Variants in GRM8 observed in about 807,000 individuals in gnomAD.
The protein encoded by GRM8 is metabotropic glutamate receptor 8.
GRM8 carries 47 observed loss-of-function variants against 87.2 expected under a neutral mutation model. That is an observed-to-expected ratio of 0.54 (90% CI 0.43 to 0.69). The LOEUF (loss-of-function observed/expected upper bound fraction) is 0.69. GRM8 is among the 30% of genes least tolerant of loss of function. The pLI is 0.00. For missense variants in GRM8, 1,019 were observed against 1,139.2 expected, an observed-to-expected ratio of 0.89 and a Z score of 1.52; for synonymous variants, 396 against 404.5, an observed-to-expected ratio of 0.98 and a Z score of 0.25.
intron 2 of GRM8, among the ~76,000 whole-genome samples, chr7:127,232,890 TGCAGTGGC>T (rs1797772656): frequency 6.6e-6 from 1 of 152,122 alleles, no homozygotes; most frequent in South Asian, 2.1e-4. Context: ...CAGGCTGGAG[TGCAGTGGC>T]GCGATCTTGG....
At chr7:126,524,263 G>A (rs1192047230) in intron 9 of GRM8, among the ~76,000 whole-genome samples, 1 of 152,098 alleles carries the variant, frequency 6.6e-6, no homozygotes, top group African/African-American at 2.4e-5. Context: ...TAATTCATAT[G>A]TAGATATGTA....
At chr7:127,015,547 C>T (rs1458495380) in intron 3 of GRM8, among the ~76,000 whole-genome samples, 1 of 152,080 alleles carries the variant, frequency 6.6e-6, no homozygotes, top group Non-Finnish European at 1.5e-5. Context: ...GACCTTAAAC[C>T]ATAAGGTACA....
intron 9 of GRM8, among the ~76,000 whole-genome samples, chr7:126,485,467 T>G (rs1020465874): frequency 4.6e-5 from 7 of 151,880 alleles, no homozygotes; most frequent in Non-Finnish European, 1.0e-4. Flanking sequence ...TCGATCCCCA[T>G]AAGTAATTGC....
intron 9 of GRM8, among the ~76,000 whole-genome samples, chr7:126,522,387 G>A (rs1813115143): frequency 6.6e-6 from 1 of 152,106 alleles, no homozygotes; most frequent in Non-Finnish European, 1.5e-5. Context: ...TAATGGTACT[G>A]AGAACATATT....
intron 6 of GRM8, among the ~76,000 whole-genome samples, chr7:126,821,509 C>T (rs1794298722): frequency 6.6e-6 from 1 of 152,186 alleles, no homozygotes; most frequent in African/African-American, 2.4e-5. Flanking sequence ...AAGCACTTAG[C>T]ATGGTCCCTG....
At chr7:126,556,985 A>T (rs1337865117) in intron 8 of GRM8, among the ~76,000 whole-genome samples, 2 of 152,202 alleles carry the variant, frequency 1.3e-5, no homozygotes, top group East Asian at 3.9e-4. Flanking sequence ...TTTCAAGTAA[A>T]GGGCCAAGGA....
intron 7 of GRM8, among the ~76,000 whole-genome samples, chr7:126,698,029 C>T (rs1809558087): frequency 6.6e-6 from 1 of 152,096 alleles, no homozygotes; most frequent in African/African-American, 2.4e-5. Context: ...CAAGTTATTC[C>T]TTTACATACT....
At chr7:126,763,460 T>TAC (rs1817812762) in intron 7 of GRM8, among the ~76,000 whole-genome samples, 1 of 64,048 alleles carries the variant, frequency 1.6e-5, no homozygotes, top group African/African-American at 3.8e-5. Flanking sequence ...TATATATATA[T>TAC]ATATATATAT....
intron 6 of GRM8, among the ~76,000 whole-genome samples, chr7:126,773,468 G>A (rs1263969971): frequency 2.0e-5 from 3 of 151,994 alleles, no homozygotes; most frequent in Non-Finnish European, 4.4e-5. Context: ...ATGTTTTATA[G>A]TTTCAAACTT....
intron 6 of GRM8, among the ~76,000 whole-genome samples, chr7:126,772,143 T>C (rs932375852): frequency 6.6e-6 from 1 of 152,104 alleles, no homozygotes; most frequent in Non-Finnish European, 1.5e-5. Context: ...TATTTCCGTA[T>C]AGATTCTAGT....
At chr7:126,641,147 C>G (rs1802340799) in intron 7 of GRM8, among the ~76,000 whole-genome samples, 2 of 152,112 alleles carry the variant, frequency 1.3e-5, no homozygotes, top group Non-Finnish European at 2.9e-5. Context: ...TTCAAGAGCT[C>G]TGTTAGCAAT....
At chr7:126,613,286 T>A (rs936797969) in intron 7 of GRM8, among the ~76,000 whole-genome samples, 3 of 37,186 alleles carry the variant, frequency 8.1e-5, no homozygotes, top group African/African-American at 1.4e-4. Flanking sequence ...AAGTGGCGAA[T>A]TTTTTTTTTG....
intron 2 of GRM8, among the ~76,000 whole-genome samples, chr7:127,138,088 C>A (rs2133254006): frequency 6.6e-6 from 1 of 152,130 alleles, no homozygotes; most frequent in East Asian, 1.9e-4. Flanking sequence ...ATACAAGCAG[C>A]ACCTGCAATT....
chr7:126,824,135 T>C (rs2130237035), intron 6 of GRM8, among the ~76,000 whole-genome samples: 1 of 152,350 alleles, frequency 6.6e-6, no homozygotes, highest in East Asian at 1.9e-4. Context: ...TTATTCATAT[T>C]AAAATATGGT....
chr7:127,070,503 G>C (rs1221552724), intron 3 of GRM8, among the ~76,000 whole-genome samples: 1 of 152,002 alleles, frequency 6.6e-6, no homozygotes, highest in African/African-American at 2.4e-5. Flanking sequence ...ATGCATAGAA[G>C]TCAATACAGC....
intron 7 of GRM8, among the ~76,000 whole-genome samples, chr7:126,676,654 G>T (rs536435620): frequency 6.6e-6 from 1 of 152,126 alleles, no homozygotes; most frequent in Non-Finnish European, 1.5e-5. Flanking sequence ...AATGGTGCTG[G>T]GTAAATTGAA....
chr7:126,478,846 T>C (rs558820081), intron 9 of GRM8, among the ~76,000 whole-genome samples: 24 of 152,202 alleles, frequency 1.6e-4, no homozygotes, highest in African/African-American at 5.8e-4. Flanking sequence ...CCTTATGAAC[T>C]AACACCAAAA....
chr7:126,604,748 T>A (rs551664786), intron 8 of GRM8, among the ~76,000 whole-genome samples: 7 of 152,276 alleles, frequency 4.6e-5, no homozygotes, highest in Admixed American at 6.5e-5. Flanking sequence ...CATAATAATA[T>A]CTATTATCCC....
chr7:126,862,812 T>C (rs1404719737), intron 6 of GRM8, among the ~76,000 whole-genome samples: 7 of 152,136 alleles, frequency 4.6e-5, no homozygotes, highest in Non-Finnish European at 1.0e-4. Context: ...TATCTTTTTT[T>C]ATTTCTCATA....
Sources: allele counts gnomAD v4.1 joint callset (sites outside exome capture counted in the v4.1 genomes callset), GRCh38; gene constraint gnomAD v4.1.1; transcripts MANE v1.5; gene names NCBI Gene and HGNC (gene_info 2026-07-23, HGNC 2026-07-21).